The following SCUBE1 variants were observed in gnomAD, a reference collection of about 807,000 sequenced individuals.
SCUBE1 encodes signal peptide, CUB domain and EGF like domain containing 1.
A neutral mutation model predicts 124.4 loss-of-function variants in SCUBE1; 59 were observed. The ratio of observed to expected loss-of-function variants is 0.47; its 90% CI spans 0.38 to 0.59. The LOEUF is 0.59. SCUBE1 is among the 20% of genes least tolerant of loss of function. The pLI is 0.00. For synonymous variants in SCUBE1, 545 were observed against 550.9 expected, an observed-to-expected ratio of 0.99 and a Z score of 0.15; for missense variants, 1,150 against 1,371.2, an observed-to-expected ratio of 0.84 and a Z score of 2.55.
chr22:43,220,383 G>A lies in SCUBE1; in HGVS notation c.1687+67C>T, dbSNP rs1418237860. The A allele has an allele frequency of 1.6e-5, 25 of 1,557,962 alleles. 1 individual carries two copies. The highest frequency in any genetic ancestry group is 4.7e-5 in the South Asian group (4 of 85,132). On this transcript the variant is annotated intron_variant, in intron 14 of 21. Transcript: ENST00000360835. The stretch of plus-strand genomic sequence containing the variant: ...CTAGCTTCATGCCTGGCAGGCCCCC[G>A]GCAGCGCCACCAGCCTGTCGTCCTC...
At chr22:43,268,583 C>T (rs61580430) in intron 4 of SCUBE1, among the ~76,000 whole-genome samples, 5,688 of 152,342 alleles carry the variant, frequency 0.037, 379 homozygotes, top group African/African-American at 0.13. Context: ...GCCACAGTGT[C>T]AGGTCCACAT....
At chr22:43,219,753 G>T (rs1922008470) in intron 14 of SCUBE1, among the ~76,000 whole-genome samples, 1 of 152,172 alleles carries the variant, frequency 6.6e-6, no homozygotes, top group African/African-American at 2.4e-5. Flanking sequence ...GGGATTACAG[G>T]CGTGAGCCAG....
rs574324130 is a variant in SCUBE1 at position 43,242,988 on chromosome 22, G to A, written c.728-4034C>T. ...GGCTACATCATTTGTGGAACCCAGC[G>A]CAAAATAAAAATGGAATTGCCTTGT... On this transcript the variant is annotated intron_variant, in intron 6 of 21. Coordinates refer to ENST00000360835, the MANE Select transcript of SCUBE1 (RefSeq NM_173050.5). 5.3e-5 allele frequency among the ~76,000 whole-genome samples: 8 copies of A among 152,298 alleles called. No individual in the cohort carries two copies. The East Asian group carries it at 1.2e-3, about 22-fold the overall frequency.
chr22:43,307,604 A>AG (rs1313896156), intron 3 of SCUBE1, among the ~76,000 whole-genome samples: 3 of 152,178 alleles, frequency 2.0e-5, no homozygotes, highest in Non-Finnish European at 4.4e-5. Context: ...CAGCCCAGCC[A>AG]GGGGGTTCCA....
intron 2 of SCUBE1, among the ~76,000 whole-genome samples, chr22:43,326,779 G>A (rs982049213): frequency 2.6e-5 from 4 of 151,990 alleles, no homozygotes; most frequent in African/African-American, 4.8e-5. Context: ...CTCCCAGTCC[G>A]TTATGTGGCT....
Position 43,200,839 on chromosome 22 carries a change from G to A in SCUBE1, c.*3158C>T, listed in dbSNP as rs1450532647. ...CACCTGCCCATCCAACTTTGCCCTG[G>A]GCACACTGGGCATGGTCTGACCACG... On this transcript the variant is annotated 3_prime_UTR_variant, in exon 22 of 22. Coordinates refer to ENST00000360835, the MANE Select transcript of SCUBE1 (RefSeq NM_173050.5). 1 of 152,368 alleles carries A rather than the reference G, an allele frequency of 6.6e-6. No homozygotes were observed. The highest frequency in any genetic ancestry group is 1.5e-5 in the Non-Finnish European group (1 of 68,126). 9.4% of individuals were successfully genotyped at this position (152,368 alleles called of 1,614,324 possible). A position where few individuals can be genotyped will look rare whatever the true frequency, so the allele number is the denominator to read the frequency against.
intron 3 of SCUBE1, among the ~76,000 whole-genome samples, chr22:43,308,566 A>G (rs1331127582): frequency 2.0e-5 from 3 of 152,370 alleles, no homozygotes; most frequent in South Asian, 2.1e-4. Context: ...AGGGAGCCAC[A>G]TGTTGTCTCC....
At chr22:43,222,846 A>T (rs891871331) in intron 11 of SCUBE1, 104 bp from the exon 12 acceptor site, 12 of 1,040,670 alleles carry the variant, frequency 1.2e-5, no homozygotes, top group African/African-American at 3.2e-5. Context: ...GAAGATCAGG[A>T]CAGATTCTTC....
chr22:43,310,435 C>T (rs146247808), intron 3 of SCUBE1, among the ~76,000 whole-genome samples: 11 of 152,302 alleles, frequency 7.2e-5, no homozygotes, highest in African/African-American at 1.2e-4. Context: ...CCTACCAGCC[C>T]ATGTGGAAAG....
intron 6 of SCUBE1, among the ~76,000 whole-genome samples, chr22:43,245,502 G>A (rs940311592): frequency 1.3e-5 from 2 of 152,270 alleles, no homozygotes; most frequent in Non-Finnish European, 1.5e-5. Context: ...TGTGGAGGCT[G>A]CAGCCCTGAC....
At chr22:43,295,790 A>C (rs1925534341) in intron 3 of SCUBE1, among the ~76,000 whole-genome samples, 1 of 152,268 alleles carries the variant, frequency 6.6e-6, no homozygotes, top group East Asian at 1.9e-4. Context: ...AACACCAAGC[A>C]CCTACTCTGT....
Position 43,204,156 on chromosome 22 carries a change from G to A in SCUBE1, c.2815-7C>T, listed in dbSNP as rs751003338. 1 of 1,613,744 alleles carries A rather than the reference G, an allele frequency of 6.2e-7. No homozygotes were observed. The highest frequency in any genetic ancestry group is 8.5e-7 in the Non-Finnish European group (1 of 1,179,886). On this transcript the variant is annotated splice_region_variant and splice_polypyrimidine_tract_variant and intron_variant, in intron 21 of 21. Transcript: ENST00000360835. ...CCTTGATCAGCTTCTTGTCCTGTAA[G>A]ATAGAGTGGGTGGGAGGCAGGGGAG... is the stretch of plus-strand genomic sequence containing the variant.
chr22:43,210,298 G>C lies in SCUBE1; in HGVS notation c.2384-58C>G. The C allele has an allele frequency of 7.0e-7, 1 of 1,422,880 alleles. No homozygotes were observed. 88.1% of individuals were successfully genotyped at this position (1,422,880 alleles called of 1,614,324 possible). On this transcript the variant is annotated intron_variant, in intron 18 of 21. Coordinates refer to ENST00000360835, the MANE Select transcript of SCUBE1 (RefSeq NM_173050.5). The surrounding 1 kb of genome is among the most constrained non-coding windows in gnomAD (Gnocchi z 4.5). Reference sequence around the variant, plus strand: ...GCTCTGCTGGGCAGGGGCCCTGGCCGGCCAGGCCTCTAACCACCTGGGAGG... The same window carrying C: ...GCTCTGCTGGGCAGGGGCCCTGGCCCGCCAGGCCTCTAACCACCTGGGAGG...
At chr22:43,281,375 TCTGTCATCTCCTCCTCAGCTATC>T (rs1924835018) in intron 4 of SCUBE1, among the ~76,000 whole-genome samples, 1 of 30,128 alleles carries the variant, frequency 3.3e-5, no homozygotes, top group Admixed American at 3.2e-4. Context: ...TGGCCACCCT[TCTGTCATCTCCTCCTCAGCTATC>T]CTGTCACCTC....
At chr22:43,204,194 TA>T in intron 21 of SCUBE1, 45 bp from the exon 22 acceptor site, 1 of 1,598,900 alleles carries the variant, frequency 6.3e-7, no homozygotes, top group Non-Finnish European at 8.6e-7. Flanking sequence ...TTGGGGCCTG[TA>T]GGGTCTGTGG....
rs1568998920 is a variant in SCUBE1, at chr22:43,258,242, T to A, written c.704A>T (p.His235Leu). 6.2e-7 allele frequency: 1 copy of A among 1,613,278 alleles called. No homozygotes were observed. The highest frequency in any genetic ancestry group is 8.5e-7 in the Non-Finnish European group (1 of 1,179,516). The part of the protein sequence containing the change: ...TCGCHQKYAL[H>L]SDGRTCIETC... ...ACCGATGCACGTGCGACCGTCTGAG[T>A]GGAGGGCGTACTTCTGGTGGCAACC... The change falls in exon 6 of 22, where the codon CAC becomes CTC. Residue 235 changes from histidine (H) to leucine (L), a missense_variant. His to Leu is a moderately conservative substitution (Grantham distance 99). Transcript: ENST00000360835. The surrounding 1 kb of genome is among the most constrained non-coding windows in gnomAD (Gnocchi z 5.0).
chr22:43,288,796 G>A lies in SCUBE1; in HGVS notation c.484+2250C>T, dbSNP rs185969625. On this transcript the variant is annotated intron_variant, in intron 4 of 21. Coordinates refer to ENST00000360835, the MANE Select transcript of SCUBE1 (RefSeq NM_173050.5). ...CTCAGCGTCACAACCCAGCCTCGCC[G>A]GGCAGTGGCAAAGGTGGAGTGAGCT... Among the ~76,000 whole-genome samples the A allele has an allele frequency of 4.7e-3, 718 of 152,278 alleles. 3 individuals are homozygous for A. The highest frequency in any genetic ancestry group is 0.017 in the African/African-American group (694 of 41,566).
chr22:43,227,401 G>A lies in SCUBE1; in HGVS notation c.1180C>T (p.Leu394Phe). ...YECVCPPGRR[L>F]HWNGKDCVET... is the part of the protein sequence containing the mutation. ...ACGCAATCCTTCCCGTTCCAGTGGA[G>A]CCGCCTCCCCGGGGGACAGACGCAC... Residue 394 changes from leucine (L) to phenylalanine (F), a missense_variant, in exon 10 of 22, where the codon CTC becomes TTC. By Grantham distance (22) the Leu-to-Phe change is conservative. Around this residue, in one of 3 missense-constraint regions of SCUBE1, gnomAD observed 757 missense variants for 840.9 expected, o/e 0.90. Transcript: ENST00000360835. The A allele has an allele frequency of 1.2e-6, 2 of 1,612,038 alleles. No individual in the cohort carries two copies. The highest frequency in any genetic ancestry group is 1.7e-6 in the Non-Finnish European group (2 of 1,179,730).
At position 43,220,491 on chromosome 22, in the gene SCUBE1, G is replaced by A. The variant is rs1382698167; in HGVS notation, c.1646C>T (p.Thr549Ile). 3.1e-6 allele frequency: 5 copies of A among 1,614,038 alleles called. No individual in the cohort carries two copies. Among genetic ancestry groups the A allele is most frequent in the Non-Finnish European group, 4.2e-6 (5 of 1,180,020 alleles). Residue 549 changes from threonine to isoleucine, a missense_variant, in exon 14 of 22, where the codon ACA becomes ATA. Thr to Ile is a moderately conservative substitution (Grantham distance 89). Around this residue, in one of 3 missense-constraint regions of SCUBE1, gnomAD observed 757 missense variants for 840.9 expected, o/e 0.90. Coordinates refer to ENST00000360835, the MANE Select transcript of SCUBE1 (RefSeq NM_173050.5). Reference sequence around the variant, plus strand: ...CTTTGTCTCGATCTCAAACTCTGCTGTGATGTGGGACACCTCCTTGGATGG... The same window carrying A: ...CTTTGTCTCGATCTCAAACTCTGCTATGATGTGGGACACCTCCTTGGATGG... Reference protein sequence around the residue: ...KSPSKEVSHITAEFEIETKME... With the variant: ...KSPSKEVSHIIAEFEIETKME...
Sources: gnomAD v4.1 joint callset for allele counts (sites outside exome capture counted in the v4.1 genomes callset) on GRCh38, gnomAD v4.1.1 for gene constraint, gnomAD v4.1.1 regional missense constraint, Gnocchi (gnomAD v3.1) non-coding constraint, MANE v1.5 for transcripts, NCBI Gene and HGNC (gene_info 2026-07-23, HGNC 2026-07-21) for gene names.